The following COL4A6 variants were observed in gnomAD, a reference collection of about 807,000 sequenced individuals.
The protein encoded by COL4A6 is collagen alpha-6(IV) chain.
A neutral mutation model predicts 126.7 loss-of-function variants in COL4A6; 59 were observed. That is an observed-to-expected ratio of 0.47 (90% CI 0.38 to 0.58). COL4A6 has a LOEUF of 0.58. Ranked by LOEUF, COL4A6 falls within the 20% of genes least tolerant of loss-of-function variation. COL4A6 has a pLI of 0.00. For synonymous variants in COL4A6, 547 were observed against 496.6 expected (o/e 1.10, Z -1.35); for missense variants, 1,285 against 1,337.3 (o/e 0.96, Z 0.61).
intron 3 of COL4A6, among the ~76,000 whole-genome samples, chrX:108,297,880 T>G: frequency 9.3e-6 from 1 of 107,334 alleles, no homozygotes; most frequent in East Asian, 3.1e-4. Flanking sequence ...TTCTCTTCCC[T>G]TCCCTCCCCT....
chrX:108,170,850 T>A lies in COL4A6; in HGVS notation c.3345A>T (p.Lys1115Asn). The A allele has an allele frequency of 8.2e-7, 1 of 1,212,327 alleles. No homozygotes were observed. Among genetic ancestry groups the A allele is most frequent in the South Asian group, 1.8e-5 (1 of 57,031 alleles). The change falls in exon 34 of 45, where the codon AAA becomes AAT. Residue 1115 changes from lysine to asparagine, a missense_variant. By Grantham distance (94) the Lys-to-Asn change is moderately conservative (BLOSUM62 0). Coordinates refer to ENST00000334504, the MANE Select transcript of COL4A6 (RefSeq NM_033641.4). ...GGCCAACATCTCCAGAAACACCAAC[T>A]TTTCCATCTTCACCTTTGTTTCCAG... ...GFPGNKGEDG[K>N]VGVSGDVGLP...
intron 1 of COL4A6, 59 bp downstream of exon 1, chrX:108,438,127 C>T (rs780198400): frequency 8.5e-5 from 102 of 1,206,966 alleles, no homozygotes; most frequent in Non-Finnish European, 1.1e-4. Flanking sequence ...ATAGTCCCGG[C>T]CTGGCAAAGT....
intron 8 of COL4A6, among the ~76,000 whole-genome samples, chrX:108,209,429 C>G (rs990588124): frequency 9.0e-5 from 10 of 110,673 alleles, no homozygotes; most frequent in Non-Finnish European, 1.3e-4. Flanking sequence ...AGAGTGAATA[C>G]AGGAAAGGGA....
chrX:108,438,212 G>T lies in COL4A6; in HGVS notation c.-16C>A, dbSNP rs1446003152. On this transcript the variant is annotated 5_prime_UTR_variant, in exon 1 of 45. Coordinates refer to ENST00000334504, the MANE Select transcript of COL4A6 (RefSeq NM_033641.4). ...CAGGGTGCATGCTTGCGGCTCCTCC[G>T]GAGCTGGGTCCCGGGAGACTGCTAA... is the stretch of plus-strand genomic sequence containing the variant. 1.7e-6 allele frequency: 2 copies of T among 1,187,489 alleles called. No individual in the cohort carries two copies. Among genetic ancestry groups the T allele is most frequent in the Non-Finnish European group, 1.1e-6 (1 of 885,329 alleles).
At chrX:108,207,022 T>A (rs145783304) in intron 8 of COL4A6, among the ~76,000 whole-genome samples, 1 of 111,482 alleles carries the variant, frequency 9.0e-6, no homozygotes, top group Non-Finnish European at 1.9e-5. Flanking sequence ...TATACCTGAA[T>A]AGAGGTTTGG....
At chrX:108,352,185 A>G (rs1022355679) in intron 2 of COL4A6, among the ~76,000 whole-genome samples, 3 of 112,189 alleles carry the variant, frequency 2.7e-5, no homozygotes, top group Non-Finnish European at 5.6e-5. Context: ...TGTTGCTTCC[A>G]TTTTATTTCC....
rs181481964 is a variant in COL4A6, at chrX:108,331,061, T to C, written c.64-20233A>G. ...CATCATGAAATGCCCCGGATGCTTT[T>C]CTTGTGGCTTTATTTTCCCGCCTTG... is the stretch of plus-strand genomic sequence containing the variant. On this transcript the variant is annotated intron_variant, in intron 2 of 44. Coordinates refer to ENST00000334504, the MANE Select transcript of COL4A6 (RefSeq NM_033641.4). 4.5e-4 allele frequency among the ~76,000 whole-genome samples: 50 copies of C among 111,905 alleles called. 1 individual carries two copies. Among genetic ancestry groups the C allele is most frequent in the African/African-American group, 1.6e-3 (50 of 30,821 alleles).
chrX:108,181,371 C>T (rs113717886), intron 23 of COL4A6, among the ~76,000 whole-genome samples: 1 of 112,272 alleles, frequency 8.9e-6, no homozygotes, highest in African/African-American at 3.2e-5. Context: ...TCCTAAGGGT[C>T]CATTATGCTT....
intron 3 of COL4A6, among the ~76,000 whole-genome samples, chrX:108,274,084 A>T (rs2037534334): frequency 1.8e-5 from 2 of 111,527 alleles, no homozygotes; most frequent in South Asian, 7.5e-4. Context: ...AGGAACTCTC[A>T]CTGTCCTGAA....
intron 2 of COL4A6, among the ~76,000 whole-genome samples, chrX:108,421,949 C>A (rs1261839082): frequency 1.8e-5 from 2 of 111,927 alleles, no homozygotes; most frequent in Non-Finnish European, 1.9e-5. Context: ...TTTTTGTTGC[C>A]TAAAATATTT....
Position 108,377,483 on chromosome X carries a change from A to C in COL4A6, c.63+60459T>G, listed in dbSNP as rs1171823466. The stretch of plus-strand genomic sequence containing the variant: ...AGTCTATAATCTTCTGTTCTCCAAT[A>C]ACATAAATAATCTTCTCTCATCCCA... On this transcript the variant is annotated intron_variant, in intron 2 of 44. Transcript: ENST00000334504. Among the ~76,000 whole-genome samples the C allele has an allele frequency of 1.2e-4, 13 of 109,674 alleles. No homozygotes were observed. In the Admixed American group the frequency reaches 1.3e-3, roughly 11 times the overall value.
At chrX:108,312,629 T>A (rs1047341377) in intron 2 of COL4A6, among the ~76,000 whole-genome samples, 2 of 112,336 alleles carry the variant, frequency 1.8e-5, no homozygotes, top group Non-Finnish European at 3.8e-5. Context: ...GTATTATGGA[T>A]AATTTGTATT....
chrX:108,289,912 A>G (rs771412880), intron 3 of COL4A6, among the ~76,000 whole-genome samples: 1 of 112,106 alleles, frequency 8.9e-6, no homozygotes, highest in South Asian at 3.8e-4. Flanking sequence ...GAATCTCGTC[A>G]GTAGTTTGAA....
intron 2 of COL4A6, among the ~76,000 whole-genome samples, chrX:108,396,149 C>T (rs2040958683): frequency 9.0e-6 from 1 of 111,331 alleles, no homozygotes; most frequent in South Asian, 3.8e-4. Context: ...ATTCTCTTTA[C>T]CACACTGTCA....
chrX:108,174,107 A>AT (rs1318197588), intron 31 of COL4A6, among the ~76,000 whole-genome samples: 1 of 112,284 alleles, frequency 8.9e-6, no homozygotes, highest in East Asian at 2.8e-4. Context: ...GTCAGCAGTG[A>AT]TAAGTATAGA....
Position 108,180,635 on chromosome X carries a change from AT to A in COL4A6, c.2024-14del. 1.8e-6 allele frequency: 2 copies of A among 1,114,633 alleles called. No homozygotes were observed. Among genetic ancestry groups the A allele is most frequent in the Non-Finnish European group, 2.4e-6 (2 of 825,570 alleles). 91.9% of individuals were successfully genotyped at this position (1,114,633 alleles called of 1,213,427 possible). A position where few individuals can be genotyped will look rare whatever the true frequency, so the allele number is the denominator to read the frequency against. ...GACCCTTTAGGGCCTGAAAACCCAA[AT>A]GTAAGCAATGAGGGGAAAGGAAAGT... is the stretch of plus-strand genomic sequence containing the variant. On this transcript the variant is annotated splice_polypyrimidine_tract_variant and intron_variant, in intron 24 of 44. Coordinates refer to ENST00000334504, the MANE Select transcript of COL4A6 (RefSeq NM_033641.4).
intron 2 of COL4A6, among the ~76,000 whole-genome samples, chrX:108,405,049 C>T (rs922872681): frequency 5.4e-5 from 6 of 111,615 alleles, no homozygotes; most frequent in East Asian, 2.8e-4. Flanking sequence ...CACACACACA[C>T]GTAGAAGTGA....
At chrX:108,215,452 T>C (rs773062008) in intron 5 of COL4A6, among the ~76,000 whole-genome samples, 18 of 111,306 alleles carry the variant, frequency 1.6e-4, no homozygotes, top group African/African-American at 5.5e-4. Flanking sequence ...AACTTTTTAT[T>C]AGTAACTGGG....
intron 32 of COL4A6, 47 bp downstream of exon 32, chrX:108,172,422 C>T (rs2034340344): frequency 3.1e-5 from 25 of 805,198 alleles, no homozygotes; most frequent in Non-Finnish European, 4.4e-5. Context: ...TAGAAATCTA[C>T]CTTGCTCTAG....
Sources: allele counts gnomAD v4.1 joint callset (sites outside exome capture counted in the v4.1 genomes callset), GRCh38; gene constraint gnomAD v4.1.1; transcripts MANE v1.5; gene names NCBI Gene and HGNC (gene_info 2026-07-23, HGNC 2026-07-21).